The following PHF14 variants were observed in gnomAD, a reference collection of about 807,000 sequenced individuals.
PHF14 encodes the protein PHD finger protein 14.
PHF14 carries 55 observed loss-of-function variants against 117.9 expected under a neutral mutation model. The ratio of observed to expected loss-of-function variants is 0.47; its 90% CI spans 0.38 to 0.58. PHF14 has a LOEUF of 0.58. PHF14 is among the 20% of genes least tolerant of loss of function. The probability of loss-of-function intolerance (pLI) is 0.00; values close to 1 mark genes in which losing one functional copy is unlikely to be tolerated. For missense variants in PHF14, 978 were observed against 1,122.2 expected, an observed-to-expected ratio of 0.87 and a Z score of 1.84; for synonymous variants, 409 against 368.6, an observed-to-expected ratio of 1.11 and a Z score of -1.26.
At chr7:11,139,911 A>T (rs758058808) in intron 17 of PHF14, among the ~76,000 whole-genome samples, 6 of 152,152 alleles carry the variant, frequency 3.9e-5, no homozygotes, top group Non-Finnish European at 8.8e-5. Flanking sequence ...TATAATAATG[A>T]TATTGACTTT....
chr7:11,134,877 C>T (rs1374185620), intron 17 of PHF14, among the ~76,000 whole-genome samples: 2 of 152,000 alleles, frequency 1.3e-5, no homozygotes, highest in African/African-American at 4.8e-5. Flanking sequence ...AACATATAGA[C>T]CACCAAGTAA....
intron 5 of PHF14, among the ~76,000 whole-genome samples, chr7:11,021,141 A>C (rs908857919): frequency 1.3e-5 from 2 of 152,208 alleles, no homozygotes; most frequent in Non-Finnish European, 2.9e-5. Flanking sequence ...ATTAAAATAT[A>C]TGAATTTACA....
chr7:11,088,817 A>T (rs1786527377), intron 16 of PHF14, among the ~76,000 whole-genome samples: 1 of 152,058 alleles, frequency 6.6e-6, no homozygotes, highest in Non-Finnish European at 1.5e-5. Flanking sequence ...AATCAGTATT[A>T]AAAAATTATG....
chr7:11,166,722 C>G (rs1471968688), intron 17 of PHF14, among the ~76,000 whole-genome samples: 1 of 151,972 alleles, frequency 6.6e-6, no homozygotes, highest in Admixed American at 6.6e-5. Context: ...TTTTCTGCAC[C>G]TAGGTTACAG....
At chr7:10,992,429 G>C (rs1464050798) in intron 4 of PHF14, among the ~76,000 whole-genome samples, 1 of 151,086 alleles carries the variant, frequency 6.6e-6, no homozygotes. Flanking sequence ...TTGGGAGGCC[G>C]AGGCGGGCGG....
At chr7:11,017,715 T>A (rs1315087541) in intron 5 of PHF14, among the ~76,000 whole-genome samples, 1 of 152,134 alleles carries the variant, frequency 6.6e-6, no homozygotes, top group African/African-American at 2.4e-5. Context: ...GTCTCTTCAG[T>A]TTGATGATGT....
chr7:11,145,063 T>G (rs1401408186), intron 17 of PHF14, among the ~76,000 whole-genome samples: 3 of 151,936 alleles, frequency 2.0e-5, no homozygotes, highest in Non-Finnish European at 4.4e-5. Flanking sequence ...ATTTAATACC[T>G]CTGAACTGTA....
At chr7:11,050,129 G>A (rs1784806257) in intron 13 of PHF14, among the ~76,000 whole-genome samples, 1 of 152,000 alleles carries the variant, frequency 6.6e-6, no homozygotes, top group South Asian at 2.1e-4. Flanking sequence ...AACTCTTGTT[G>A]GAGTTCAAAA....
intron 6 of PHF14, among the ~76,000 whole-genome samples, chr7:11,024,055 G>A (rs559127863): frequency 6.6e-5 from 10 of 152,300 alleles, no homozygotes; most frequent in African/African-American, 2.4e-4. Flanking sequence ...AATTGAAAGT[G>A]CTACTCCAGC....
chr7:11,139,249 TTAAA>T (rs1788335017), intron 17 of PHF14, among the ~76,000 whole-genome samples: 1 of 152,208 alleles, frequency 6.6e-6, no homozygotes, highest in African/African-American at 2.4e-5. Context: ...GAGAAAATGT[TTAAA>T]TAATTTTGTT....
chr7:11,056,752 A>G (rs1030559651), intron 14 of PHF14, among the ~76,000 whole-genome samples: 1 of 149,124 alleles, frequency 6.7e-6, no homozygotes, highest in African/African-American at 2.4e-5. Flanking sequence ...TTATATTTTT[A>G]TTATATATTG....
chr7:11,149,478 C>G (rs1195520619), intron 17 of PHF14, among the ~76,000 whole-genome samples: 1 of 152,088 alleles, frequency 6.6e-6, no homozygotes, highest in African/African-American at 2.4e-5. Context: ...AAGATACCTT[C>G]TAGCTCTCAA....
At chr7:10,997,163 A>T (rs1056673500) in intron 4 of PHF14, among the ~76,000 whole-genome samples, 2 of 152,210 alleles carry the variant, frequency 1.3e-5, no homozygotes, top group Non-Finnish European at 2.9e-5. Context: ...ACATACACAT[A>T]TAAGTTTTAT....
chr7:11,007,860 A>G (rs957670780), intron 4 of PHF14, among the ~76,000 whole-genome samples: 4 of 152,194 alleles, frequency 2.6e-5, no homozygotes, highest in Non-Finnish European at 5.9e-5. Context: ...AAAAGATAGT[A>G]TGCCAAATTT....
chr7:10,983,370 A>G (rs1372844482), intron 3 of PHF14, among the ~76,000 whole-genome samples: 1 of 152,220 alleles, frequency 6.6e-6, no homozygotes, highest in Non-Finnish European at 1.5e-5. Context: ...GGAGCTCACA[A>G]TCTCTGTCCT....
At chr7:11,075,153 G>C (rs1195051567) in intron 16 of PHF14, among the ~76,000 whole-genome samples, 2 of 151,868 alleles carry the variant, frequency 1.3e-5, no homozygotes, top group Non-Finnish European at 2.9e-5. Flanking sequence ...TGCCCAGGCT[G>C]GTCTCAAACT....
At chr7:11,027,596 C>G (rs534064759) in intron 6 of PHF14, among the ~76,000 whole-genome samples, 1 of 152,072 alleles carries the variant, frequency 6.6e-6, no homozygotes, top group South Asian at 2.1e-4. Flanking sequence ...TTCAACAGTT[C>G]ATACCTTGGT....
chr7:11,105,813 A>T, intron 16 of PHF14: 1 of 984,614 alleles, frequency 1.0e-6, no homozygotes, highest in Middle Eastern at 5.2e-4. Flanking sequence ...TTGGATGCAC[A>T]TGCTGGGCTT....
intron 14 of PHF14, among the ~76,000 whole-genome samples, chr7:11,059,610 G>C (rs1322177727): frequency 6.6e-6 from 1 of 151,902 alleles, no homozygotes; most frequent in Admixed American, 6.6e-5. Context: ...CCGTTCTCTA[G>C]TAAAAATGAA....
Sources: gnomAD v4.1 joint callset for allele counts (sites outside exome capture counted in the v4.1 genomes callset) on GRCh38, gnomAD v4.1.1 for gene constraint, MANE v1.5 for transcripts, NCBI Gene and HGNC (gene_info 2026-07-23, HGNC 2026-07-21) for gene names.